Variants in DLG2 observed in about 807,000 individuals in gnomAD.
DLG2 encodes discs large MAGUK scaffold protein 2, also known as disks large homolog 2.
A neutral mutation model predicts 132.5 loss-of-function variants in DLG2; 45 were observed. The observed-to-expected ratio is 0.34, with a 90% CI of 0.27 to 0.44. The LOEUF (loss-of-function observed/expected upper bound fraction) is 0.44. DLG2 is among the 20% of genes least tolerant of loss of function. The pLI is 1.00. For synonymous variants in DLG2, 424 were observed against 419.6 expected (o/e 1.01, Z -0.13); for missense variants, 1,045 against 1,196.9 (o/e 0.87, Z 1.87).
At chr11:84,440,604 A>G (rs1199262341) in intron 7 of DLG2, among the ~76,000 whole-genome samples, 2 of 152,232 alleles carry the variant, frequency 1.3e-5, no homozygotes, top group East Asian at 3.8e-4. Context: ...GCTCTGCTGT[A>G]TAAGTAAAAC....
chr11:84,683,970 A>T (rs1239311895), intron 6 of DLG2, among the ~76,000 whole-genome samples: 3 of 152,260 alleles, frequency 2.0e-5, no homozygotes, highest in Non-Finnish European at 4.4e-5. Context: ...TCTTGAATTT[A>T]CAAATTTCAA....
Position 85,150,699 on chromosome 11 carries a change from AGTGTGTGTGTGTGTGTGTGTGT to A in DLG2, c.282+3835_282+3856del, listed in dbSNP as rs71036459. On this transcript the variant is annotated intron_variant, in intron 5 of 27. Transcript: ENST00000376104. The stretch of plus-strand genomic sequence containing the variant: ...TTTCCTTTTGTTCCTAAGGCTACAT[AGTGTGTGTGTGTGTGTGTGTGT>A]GTGTGTGTGTGTGTGTGTGTGTGTG... 4.1e-4 allele frequency among the ~76,000 whole-genome samples: 52 copies of A among 127,346 alleles called. 1 individual carries two copies. In the South Asian group the frequency reaches 5.2e-3, roughly 13 times the overall value. The allele number at this position is 127,346 out of a possible 152,430, so 83.5% of individuals were successfully genotyped here.
At chr11:85,072,858 A>G (rs1004558324) in intron 6 of DLG2, among the ~76,000 whole-genome samples, 1 of 151,870 alleles carries the variant, frequency 6.6e-6, no homozygotes, top group African/African-American at 2.4e-5. Flanking sequence ...CAGATAAATG[A>G]CATTTCATCA....
chr11:85,323,215 T>C (rs549964514), intron 3 of DLG2, among the ~76,000 whole-genome samples: 2 of 152,270 alleles, frequency 1.3e-5, no homozygotes, highest in South Asian at 2.1e-4. Context: ...CTTCCAACCA[T>C]TACTATCACT....
rs541551619 is a variant in DLG2, at chr11:84,593,105, C to T, written c.358-58374G>A. 3.8e-3 allele frequency among the ~76,000 whole-genome samples: 559 copies of T among 148,552 alleles called. 10 individuals carry two copies. Among genetic ancestry groups the T allele is most frequent in the Admixed American group, 0.028 (413 of 14,846 alleles). On this transcript the variant is annotated intron_variant, in intron 6 of 27. Coordinates refer to ENST00000376104, the MANE Select transcript of DLG2 (RefSeq NM_001142699.3). Reference sequence around the variant, plus strand: ...CTGCACTCCAGCCTGGGCAACAGAGCGAGACTCCATCTCCAAAAAAAAAAA... The same window carrying T: ...CTGCACTCCAGCCTGGGCAACAGAGTGAGACTCCATCTCCAAAAAAAAAAA...
chr11:84,163,061 A>G (rs2095582459), intron 9 of DLG2, among the ~76,000 whole-genome samples: 2 of 152,256 alleles, frequency 1.3e-5, no homozygotes, highest in South Asian at 4.1e-4. Flanking sequence ...CTTGTTTTTT[A>G]AACTAAGTAA....
chr11:84,934,518 TTGTTTTG>T (rs1566441728), intron 6 of DLG2, among the ~76,000 whole-genome samples: 63 of 55,734 alleles, frequency 1.1e-3, no homozygotes, highest in African/African-American at 3.9e-3. Context: ...TTTTTTTGTT[TTGTTTTG>T]TTTTTTTTTT....
At chr11:83,705,468 C>T (rs2083756948) in intron 18 of DLG2, among the ~76,000 whole-genome samples, 1 of 151,958 alleles carries the variant, frequency 6.6e-6, no homozygotes, top group South Asian at 2.1e-4. Context: ...ACTTGCCTCA[C>T]CTCCAGAATA....
At chr11:85,602,248 A>C (rs904924571) in intron 2 of DLG2, among the ~76,000 whole-genome samples, 1 of 152,144 alleles carries the variant, frequency 6.6e-6, no homozygotes, top group Non-Finnish European at 1.5e-5. Context: ...CCAACATCAA[A>C]TTATATGCAG....
At chr11:84,439,276 A>T (rs1348653649) in intron 7 of DLG2, among the ~76,000 whole-genome samples, 1 of 152,188 alleles carries the variant, frequency 6.6e-6, no homozygotes, top group Non-Finnish European at 1.5e-5. Context: ...AGATATTTTT[A>T]AAGTTCCTTT....
At chr11:85,361,028 T>A (rs1375055667) in intron 3 of DLG2, among the ~76,000 whole-genome samples, 3 of 152,186 alleles carry the variant, frequency 2.0e-5, no homozygotes, top group South Asian at 4.2e-4. Context: ...GAAAAAAAAA[T>A]AAAATCTTCT....
intron 3 of DLG2, among the ~76,000 whole-genome samples, chr11:85,559,084 CA>C (rs2077081989): frequency 6.6e-6 from 1 of 151,144 alleles, no homozygotes; most frequent in African/African-American, 2.4e-5. Context: ...AATGAATTGT[CA>C]AAATGGAATA....
intron 7 of DLG2, among the ~76,000 whole-genome samples, chr11:84,487,070 G>A (rs562314536): frequency 3.3e-5 from 5 of 152,030 alleles, no homozygotes; most frequent in South Asian, 2.1e-4. Context: ...AATGTCTAGC[G>A]GTCATAGTTA....
At chr11:84,756,086 C>A (rs762170618) in intron 6 of DLG2, among the ~76,000 whole-genome samples, 1 of 151,882 alleles carries the variant, frequency 6.6e-6, no homozygotes, top group Admixed American at 6.6e-5. Flanking sequence ...TGGGGATATG[C>A]GAGACTATTT....
chr11:83,734,401 T>A (rs35066528), intron 18 of DLG2, among the ~76,000 whole-genome samples: 1 of 90,592 alleles, frequency 1.1e-5, no homozygotes, highest in African/African-American at 4.2e-5. Flanking sequence ...CCTTCCTTCC[T>A]TCCTTCCCTC....
At chr11:85,455,942 T>G (rs2092407536) in intron 3 of DLG2, among the ~76,000 whole-genome samples, 1 of 152,154 alleles carries the variant, frequency 6.6e-6, no homozygotes, top group African/African-American at 2.4e-5. Context: ...TGAGGATTTT[T>G]GCATCTATTT....
chr11:84,997,650 C>T (rs1403818021), intron 6 of DLG2: 1 of 152,200 alleles, frequency 6.6e-6, no homozygotes. Flanking sequence ...ACCCCATATA[C>T]TTTCCTTTCA....
intron 6 of DLG2, among the ~76,000 whole-genome samples, chr11:84,885,113 A>G (rs1028856329): frequency 2.0e-5 from 3 of 152,192 alleles, no homozygotes; most frequent in African/African-American, 4.8e-5. Context: ...ATATCATCAC[A>G]AGAAGGTTGA....
intron 19 of DLG2, among the ~76,000 whole-genome samples, chr11:83,567,767 A>G (rs909439564): frequency 2.4e-4 from 37 of 152,300 alleles, no homozygotes; most frequent in South Asian, 2.1e-4. Flanking sequence ...AGTGAGTTGC[A>G]TTACAAGGTA....
Sources: gnomAD v4.1 joint callset for allele counts (sites outside exome capture counted in the v4.1 genomes callset) on GRCh38, gnomAD v4.1.1 for gene constraint, MANE v1.5 for transcripts, NCBI Gene and HGNC (gene_info 2026-07-23, HGNC 2026-07-21) for gene names.